Variants in CDK18 observed in about 807,000 individuals in gnomAD.
CDK18 encodes the protein cyclin-dependent kinase 18.
Under a neutral mutation model 62.0 loss-of-function variants are expected in CDK18, and 52 were observed. The ratio of observed to expected loss-of-function variants is 0.84; its 90% CI spans 0.67 to 1.06. The LOEUF (loss-of-function observed/expected upper bound fraction) is 1.06, where lower values mean the gene tolerates loss of function less well. Among genes scored for constraint, CDK18 ranks in the 50% least tolerant of loss-of-function variants. The pLI is 0.00. For synonymous variants in CDK18, 237 were observed against 247.0 expected (o/e 0.96, Z 0.38); for missense variants, 604 against 619.9 (o/e 0.97, Z 0.27).
chr1:205,530,269 A>C lies in CDK18; in HGVS notation c.1232A>C (p.Lys411Thr), dbSNP rs747194480. The C allele has an allele frequency of 2.5e-5, 40 of 1,612,714 alleles. No individual in the cohort carries two copies. The highest frequency in any genetic ancestry group is 3.2e-5 in the Non-Finnish European group (38 of 1,180,044). The change falls in exon 14 of 16, where the codon AAG (lysine) becomes ACG (threonine). Residue 411 changes from lysine to threonine, a missense_variant. Lys to Thr is a moderately conservative substitution (Grantham distance 78). Transcript: ENST00000429964. ...CCCTGTGCCTTTCAGTATGAATCCA[A>C]GAGTCGCATGTCAGCAGAGGCTGCC... is the stretch of plus-strand genomic sequence containing the variant. ...LLSSLLLYES[K>T]SRMSAEAALS... is the part of the protein sequence containing the mutation.
chr1:205,527,909 C>T lies in CDK18; in HGVS notation c.845C>T (p.Ala282Val), dbSNP rs760000202. The change falls in exon 9 of 16, where the codon GCC becomes GTC. Residue 282 changes from alanine (A) to valine (V), a missense_variant. Physicochemically the swap from Ala to Val is moderately conservative, Grantham distance 64 (BLOSUM62 0). Coordinates refer to ENST00000429964, the MANE Select transcript of CDK18 (RefSeq NM_212502.3). This position sits in a 1 kb window ranked among gnomAD's most constrained non-coding sequence, Gnocchi z 4.1. The stretch of plus-strand genomic sequence containing the variant: ...AACGAGAGGGGGGAGCTGAAGCTGG[C>T]CGACTTTGGTGAGGCTGGGGCTAGG... The part of the protein sequence containing the change: ...LINERGELKL[A>V]DFGLARAKSV... 1 of 1,614,094 alleles carries T rather than the reference C, an allele frequency of 6.2e-7. No homozygotes were observed. Among genetic ancestry groups the T allele is most frequent in the South Asian group, 1.1e-5 (1 of 91,070 alleles).
Position 205,531,455 on chromosome 1 carries a change from G to A in CDK18, c.*77G>A, listed in dbSNP as rs1041306405. ...ATTCGGGTAGGATGGAGCCTGTGTGGCCCTCGGAGGACTGAAGAACGAGGG... is the reference window on the plus strand; with the variant it reads ...ATTCGGGTAGGATGGAGCCTGTGTGACCCTCGGAGGACTGAAGAACGAGGG... On this transcript the variant is annotated 3_prime_UTR_variant, in exon 16 of 16. Transcript: ENST00000429964. The A allele has an allele frequency of 1.5e-6, 2 of 1,366,212 alleles. No homozygotes were observed. The highest frequency in any genetic ancestry group is 2.1e-6 in the Non-Finnish European group (2 of 954,362). 84.6% of individuals were successfully genotyped at this position (1,366,212 alleles called of 1,614,324 possible).
rs1487834754 is a variant in CDK18, at chr1:205,528,741, C to A, written c.975-258C>A. The A allele has an allele frequency of 2.2e-6, 1 of 445,706 alleles. No homozygotes were observed. Among genetic ancestry groups the A allele is most frequent in the Non-Finnish European group, 4.0e-6 (1 of 250,840 alleles). The allele number at this position is 445,706 out of a possible 1,614,324, so 27.6% of individuals were successfully genotyped here. A position where few individuals can be genotyped will look rare whatever the true frequency, so the allele number is the denominator to read the frequency against. On this transcript the variant is annotated intron_variant, in intron 10 of 15. Transcript: ENST00000429964. The surrounding 1 kb of genome is among the most constrained non-coding windows in gnomAD (Gnocchi z 4.2). ...TGGGCGCTGGCTGCACAGACCCAAA[C>A]CTCACAGAGTGAAAGGGGACTTTCC... is the stretch of plus-strand genomic sequence containing the variant.
intron 1 of CDK18, among the ~76,000 whole-genome samples, chr1:205,513,724 G>A (rs1446732405): frequency 6.6e-6 from 1 of 152,182 alleles, no homozygotes; most frequent in Non-Finnish European, 1.5e-5. Flanking sequence ...AGGGCCACAA[G>A]CCCCTCCGAA....
chr1:205,527,910 C>T lies in CDK18; in HGVS notation c.846C>T (p.Ala282=), dbSNP rs140485715. The T allele has an allele frequency of 3.4e-5, 55 of 1,613,950 alleles. No homozygotes were observed. The highest frequency in any genetic ancestry group is 9.3e-5 in the African/African-American group (7 of 74,890). ...LINERGELKL[A]DFGLARAKSV... Reference sequence around the variant, plus strand: ...ACGAGAGGGGGGAGCTGAAGCTGGCCGACTTTGGTGAGGCTGGGGCTAGGG... The same window carrying T: ...ACGAGAGGGGGGAGCTGAAGCTGGCTGACTTTGGTGAGGCTGGGGCTAGGG... The change falls in exon 9 of 16, where the codon GCC becomes GCT. Residue 282 remains alanine, a synonymous_variant. Transcript: ENST00000429964. This position sits in a 1 kb window ranked among gnomAD's most constrained non-coding sequence, Gnocchi z 4.1.
Position 205,516,418 on chromosome 1 carries a change from G to A in CDK18, c.-21-6729G>A, listed in dbSNP as rs1667820184. Among the ~76,000 whole-genome samples the A allele has an allele frequency of 6.6e-6, 1 of 152,156 alleles. No homozygotes were observed. Among genetic ancestry groups the A allele is most frequent in the Non-Finnish European group, 1.5e-5 (1 of 68,022 alleles). Reference sequence around the variant, plus strand: ...GAAGACCCTCTGGGCTTCAGAAAGTGGGCAGCCACAAGTTACGTCCCCCAA... The same window carrying A: ...GAAGACCCTCTGGGCTTCAGAAAGTAGGCAGCCACAAGTTACGTCCCCCAA... On this transcript the variant is annotated intron_variant, in intron 1 of 15. Transcript: ENST00000429964. The surrounding 1 kb of genome is among the most constrained non-coding windows in gnomAD (Gnocchi z 4.8).
In CDK18 at chr1:205,527,783, C is replaced by T. The variant is rs1308592689; in HGVS notation, c.730-11C>T. 1.2e-6 allele frequency: 2 copies of T among 1,613,530 alleles called. No homozygotes were observed. The highest frequency in any genetic ancestry group is 1.7e-5 in the Admixed American group (1 of 59,992). On this transcript the variant is annotated splice_polypyrimidine_tract_variant and intron_variant, in intron 8 of 15. Coordinates refer to ENST00000429964, the MANE Select transcript of CDK18 (RefSeq NM_212502.3). This position sits in a 1 kb window ranked among gnomAD's most constrained non-coding sequence, Gnocchi z 4.1. ...ACCTTCCACCCCACATTTCTCTTCC[C>T]CCTCCCCCAGATTTTCATGTTCCAG... is the stretch of plus-strand genomic sequence containing the variant.
At chr1:205,522,203 C>G (rs1575064806) in intron 1 of CDK18, among the ~76,000 whole-genome samples, 1 of 152,134 alleles carries the variant, frequency 6.6e-6, no homozygotes, top group Non-Finnish European at 1.5e-5. Flanking sequence ...TCCTCTAATT[C>G]AGAGGGCACG....
At chr1:205,514,878 T>C (rs1413986981) in intron 1 of CDK18, among the ~76,000 whole-genome samples, 1 of 152,238 alleles carries the variant, frequency 6.6e-6, no homozygotes, top group Non-Finnish European at 1.5e-5. Context: ...CATCTCATTC[T>C]ACCTAGAGGA....
At chr1:205,508,873 G>T (rs1667434343) in intron 1 of CDK18, among the ~76,000 whole-genome samples, 1 of 151,408 alleles carries the variant, frequency 6.6e-6, no homozygotes, top group Non-Finnish European at 1.5e-5. Context: ...CTTAGGCCGG[G>T]TGTGGTGGCT....
chr1:205,524,459 A>C, intron 4 of CDK18, 102 bp downstream of exon 4: 2 of 1,397,926 alleles, frequency 1.4e-6, no homozygotes, highest in Non-Finnish European at 2.0e-6. Context: ...TTCGAGGAAG[A>C]TTCCTGGGCC....
At chr1:205,519,015 C>A (rs1320736221) in intron 1 of CDK18, among the ~76,000 whole-genome samples, 2 of 152,184 alleles carry the variant, frequency 1.3e-5, no homozygotes, top group Non-Finnish European at 2.9e-5. Flanking sequence ...GGGCCAGTAT[C>A]CCTGGACACT....
intron 1 of CDK18, among the ~76,000 whole-genome samples, chr1:205,518,150 C>T (rs1443925154): frequency 1.3e-5 from 2 of 152,160 alleles, no homozygotes; most frequent in African/African-American, 4.8e-5. Flanking sequence ...CTTGACCACC[C>T]TACTTAAACT....
intron 13 of CDK18, chr1:205,529,793 T>C: frequency 6.9e-7 from 1 of 1,449,470 alleles, no homozygotes; most frequent in Non-Finnish European, 9.3e-7. Flanking sequence ...TCTGGGCAAG[T>C]TACAGAGCTC....
chr1:205,509,065 C>G (rs1667444380), intron 1 of CDK18, among the ~76,000 whole-genome samples: 1 of 152,052 alleles, frequency 6.6e-6, no homozygotes, highest in Admixed American at 6.6e-5. Context: ...AGGAGGATCG[C>G]TTGAACCCAG....
chr1:205,505,644 G>A (rs1211274968), intron 1 of CDK18, among the ~76,000 whole-genome samples: 2 of 152,198 alleles, frequency 1.3e-5, no homozygotes, highest in South Asian at 4.1e-4. Flanking sequence ...CTGGACTGGA[G>A]GCCTCTGTTT....
intron 1 of CDK18, among the ~76,000 whole-genome samples, chr1:205,513,449 A>G (rs1667664262): frequency 6.6e-6 from 1 of 152,274 alleles, no homozygotes; most frequent in African/African-American, 2.4e-5. Context: ...AGTGCAGACC[A>G]GCTTTAGCTG....
Position 205,528,273 on chromosome 1 carries a change from C to T in CDK18, c.974+105C>T. On this transcript the variant is annotated intron_variant, in intron 10 of 15. Coordinates refer to ENST00000429964, the MANE Select transcript of CDK18 (RefSeq NM_212502.3). The surrounding 1 kb of genome is among the most constrained non-coding windows in gnomAD (Gnocchi z 4.2). ...CCTCGGGGAAGAACTGCCTAACTTC[C>T]TTTGCCTAAAAGCCTTGTGACATCC... 7.2e-7 allele frequency: 1 copy of T among 1,385,808 alleles called. No individual in the cohort carries two copies. Among genetic ancestry groups the T allele is most frequent in the Non-Finnish European group, 9.9e-7 (1 of 1,009,308 alleles). The allele number at this position is 1,385,808 out of a possible 1,614,324, so 85.8% of individuals were successfully genotyped here.
chr1:205,513,257 G>A (rs1667654214), intron 1 of CDK18, among the ~76,000 whole-genome samples: 1 of 152,244 alleles, frequency 6.6e-6, no homozygotes, highest in African/African-American at 2.4e-5. Context: ...TCCTCTGGCT[G>A]GGAGAGTAAG....
Sources: gnomAD v4.1 joint callset for allele counts (sites outside exome capture counted in the v4.1 genomes callset) on GRCh38, gnomAD v4.1.1 for gene constraint, Gnocchi (gnomAD v3.1) non-coding constraint, MANE v1.5 for transcripts, NCBI Gene and HGNC (gene_info 2026-07-23, HGNC 2026-07-21) for gene names.